Variants in IL4R observed in about 807,000 individuals in gnomAD.
IL4R encodes interleukin 4 receptor, also known as interleukin-4 receptor subunit alpha.
IL4R carries 17 observed loss-of-function variants against 41.5 expected under a neutral mutation model. The observed-to-expected ratio is 0.41, with a 90% CI of 0.28 to 0.61. The LOEUF (loss-of-function observed/expected upper bound fraction) is 0.61, where lower values mean the gene tolerates loss of function less well. IL4R is among the 20% of genes least tolerant of loss of function. The pLI is 0.31. For synonymous variants in IL4R, 402 were observed against 422.9 expected, an observed-to-expected ratio of 0.95 and a Z score of 0.61; for missense variants, 974 against 1,043.1, an observed-to-expected ratio of 0.93 and a Z score of 0.91.
rs2086417285 is a variant in IL4R at position 27,364,124 on chromosome 16, T to G, written c.*294T>G. ...TGAGGCCCTTGGGCACCTCGACTTG[T>G]GAACGAGTTGTTGGCTGCTCCCTCC... On this transcript the variant is annotated 3_prime_UTR_variant, in exon 11 of 11. Coordinates refer to ENST00000395762, the MANE Select transcript of IL4R (RefSeq NM_000418.4). 8.1e-6 allele frequency: 3 copies of G among 372,608 alleles called. No homozygotes were observed. The allele number at this position is 372,608 out of a possible 1,614,324, so 23.1% of individuals were successfully genotyped here. A position where few individuals can be genotyped will look rare whatever the true frequency, so the allele number is the denominator to read the frequency against.
rs533469360 is a variant in IL4R, at chr16:27,354,884, G to A, written c.671-924G>A. 1.7e-4 allele frequency: 62 copies of A among 375,580 alleles called. No individual in the cohort carries two copies. The Middle Eastern group carries it at 1.7e-3, about 10-fold the overall frequency. 23.3% of individuals were successfully genotyped at this position (375,580 alleles called of 1,614,324 possible). ...CTCCATAGGCAGGGTCTCCATGGCT[G>A]TATCTCCAGAACCCAGCACAGAACC... On this transcript the variant is annotated intron_variant, in intron 7 of 10. Coordinates refer to ENST00000395762, the MANE Select transcript of IL4R (RefSeq NM_000418.4).
chr16:27,356,468 A>T (rs909628581), intron 8 of IL4R, among the ~76,000 whole-genome samples: 1 of 152,176 alleles, frequency 6.6e-6, no homozygotes, highest in Non-Finnish European at 1.5e-5. Context: ...GTGGTTTTCC[A>T]TAGTGACCCA....
At chr16:27,336,676 CA>C (rs67336687) in intron 2 of IL4R, among the ~76,000 whole-genome samples, 14,299 of 68,330 alleles carry the variant, frequency 0.21, 753 homozygotes, top group Middle Eastern at 0.26. Flanking sequence ...AACTCTGTCT[CA>C]AAAAAAAAAA....
chr16:27,342,322 G>C lies in IL4R; in HGVS notation c.209+63G>C, dbSNP rs997394224. 16 of 1,600,178 alleles carry C rather than the reference G, an allele frequency of 1.0e-5. No homozygotes were observed. In the African/African-American group the frequency reaches 2.1e-4, roughly 21 times the overall value. On this transcript the variant is annotated intron_variant, in intron 4 of 10. Transcript: ENST00000395762. Reference sequence around the variant, plus strand: ...TGCCCAAAGGGTTTGCCCCAAGAGTGAGCTGGGTCCAGGTGGTGCGCTGGA... The same window carrying C: ...TGCCCAAAGGGTTTGCCCCAAGAGTCAGCTGGGTCCAGGTGGTGCGCTGGA...
chr16:27,328,205 C>CAAAAAAA lies in IL4R; in HGVS notation c.-151-1849_-151-1843dup, dbSNP rs779355998. ...CTGGTGACAAAGCTAGGCTCCATCTCAAAAAAAAAAAAAAAAAAGATTGTT... is the reference window on the plus strand; with the variant it reads ...CTGGTGACAAAGCTAGGCTCCATCTCAAAAAAAAAAAAAAAAAAAAAAAAAGATTGTT... On this transcript the variant is annotated intron_variant, in intron 1 of 10. Coordinates refer to ENST00000395762, the MANE Select transcript of IL4R (RefSeq NM_000418.4). Among the ~76,000 whole-genome samples the CAAAAAAA allele has an allele frequency of 1.1e-4, 8 of 70,506 alleles. 1 individual carries two copies. Among genetic ancestry groups the CAAAAAAA allele is most frequent in the East Asian group, 1.0e-3 (2 of 2,010 alleles). The allele number at this position is 70,506 out of a possible 152,430, so 46.3% of individuals were successfully genotyped here.
chr16:27,335,930 A>G (rs969222068), intron 2 of IL4R, among the ~76,000 whole-genome samples: 2 of 152,072 alleles, frequency 1.3e-5, no homozygotes, highest in Non-Finnish European at 2.9e-5. Context: ...ATCACTGTTA[A>G]TTTCCTGATT....
At chr16:27,352,513 C>A in intron 6 of IL4R, 27 bp from the exon 7 acceptor site, 1 of 1,609,346 alleles carries the variant, frequency 6.2e-7, no homozygotes, top group Non-Finnish European at 8.5e-7. Flanking sequence ...CCGGCTGGTG[C>A]CCTAACATCT....
At chr16:27,314,932 C>T (rs1333216732) in intron 1 of IL4R, among the ~76,000 whole-genome samples, 3 of 152,160 alleles carry the variant, frequency 2.0e-5, no homozygotes, top group African/African-American at 7.2e-5. Context: ...CCTCGGCCTC[C>T]CAAAATGCTG....
chr16:27,342,000 G>A (rs753844966), intron 3 of IL4R, 121 bp from the exon 4 acceptor site: 89 of 1,060,492 alleles, frequency 8.4e-5, no homozygotes, highest in Admixed American at 3.5e-4. Context: ...CTCTGTGGGC[G>A]CTGGCCCTCA....
intron 2 of IL4R, among the ~76,000 whole-genome samples, chr16:27,332,951 A>G (rs916291805): frequency 6.6e-5 from 10 of 151,982 alleles, no homozygotes; most frequent in African/African-American, 2.4e-4. Context: ...GTGTTTTTAA[A>G]TCTCCAAATA....
intron 1 of IL4R, among the ~76,000 whole-genome samples, chr16:27,316,809 AT>A (rs1388222408): frequency 6.6e-6 from 1 of 152,162 alleles, no homozygotes; most frequent in Non-Finnish European, 1.5e-5. Flanking sequence ...TATAGTGACT[AT>A]GCCATTGTAG....
intron 1 of IL4R, among the ~76,000 whole-genome samples, chr16:27,328,408 T>C (rs2085023423): frequency 6.6e-6 from 1 of 151,926 alleles, no homozygotes; most frequent in Non-Finnish European, 1.5e-5. Flanking sequence ...CCCACCATCA[T>C]GCCCGGCTAA....
intron 6 of IL4R, among the ~76,000 whole-genome samples, chr16:27,350,206 T>G (rs748421612): frequency 7.2e-5 from 11 of 152,238 alleles, no homozygotes; most frequent in Admixed American, 1.3e-4. Context: ...AGATTTCTCT[T>G]TTGTTTCTTA....
rs756026426 is a variant in IL4R at position 27,355,815 on chromosome 16, G to A, written c.678G>A (p.Arg226=). Residue 226 remains arginine, a synonymous_variant, in exon 8 of 11, where the codon AGG becomes AGA. Coordinates refer to ENST00000395762, the MANE Select transcript of IL4R (RefSeq NM_000418.4). ...TTCCCCTCCCACTTCCAGCCTACAG[G>A]GAGCCCTTCGAGCAGCACCTCCTGC... is the stretch of plus-strand genomic sequence containing the variant. ...SPSTKWHNSY[R]EPFEQHLLLG... is the part of the protein sequence containing the mutation. 2.5e-6 allele frequency: 4 copies of A among 1,612,650 alleles called. No homozygotes were observed. The highest frequency in any genetic ancestry group is 1.7e-4 in the Middle Eastern group (1 of 6,052).
At chr16:27,347,276 C>T (rs557279000) in intron 6 of IL4R, among the ~76,000 whole-genome samples, 38 of 152,244 alleles carry the variant, frequency 2.5e-4, no homozygotes, top group African/African-American at 7.5e-4. Flanking sequence ...CTGCAACCTC[C>T]GCCTCCTGGG....
At chr16:27,329,597 A>C (rs2085056805) in intron 1 of IL4R, among the ~76,000 whole-genome samples, 1 of 151,534 alleles carries the variant, frequency 6.6e-6, no homozygotes. Flanking sequence ...GAATCGCTTG[A>C]ACCCGGGAGG....
Position 27,313,980 on chromosome 16 carries a change from C to G in IL4R, c.-192C>G. ...GGCCACCCAGGGGTCCCCCACTTCC[C>G]GCTTGGGCGCCCGGACGGCGAATGG... On this transcript the variant is annotated 5_prime_UTR_variant, in exon 1 of 11. Coordinates refer to ENST00000395762, the MANE Select transcript of IL4R (RefSeq NM_000418.4). 1 of 984,776 alleles carries G rather than the reference C, an allele frequency of 1.0e-6. No homozygotes were observed. The highest frequency in any genetic ancestry group is 1.2e-6 in the Non-Finnish European group (1 of 829,688). The allele number at this position is 984,776 out of a possible 1,614,324, so 61.0% of individuals were successfully genotyped here.
At chr16:27,332,862 TA>T (rs2085151883) in intron 2 of IL4R, among the ~76,000 whole-genome samples, 1 of 152,224 alleles carries the variant, frequency 6.6e-6, no homozygotes, top group African/African-American at 2.4e-5. Context: ...TGATAGGCTA[TA>T]TTTTCATTTT....
Position 27,362,858 on chromosome 16 carries a change from CT to C in IL4R, c.1507del (p.Ser503ProfsTer2). The C allele has an allele frequency of 6.2e-7, 1 of 1,614,182 alleles. No homozygotes were observed. The highest frequency in any genetic ancestry group is 8.5e-7 in the Non-Finnish European group (1 of 1,180,048). ...ACCCTGCTTACCGCAGCTTCAGCAA[CT>C]CCCTGAGCCAGTCACCGTGTCCCAG... Reference protein sequence around the residue: ...GNPAYRSFSNSLSQSPCPREL... With the variant: ...GNPAYRSFSNXLSQSPCPREL... On this transcript the variant is annotated frameshift_variant, in exon 11 of 11. Coordinates refer to ENST00000395762, the MANE Select transcript of IL4R (RefSeq NM_000418.4). LOFTEE classifies it low-confidence loss of function (END_TRUNC).
Sources: gnomAD v4.1 joint callset for allele counts (sites outside exome capture counted in the v4.1 genomes callset) on GRCh38, gnomAD v4.1.1 for gene constraint, MANE v1.5 for transcripts, NCBI Gene and HGNC (gene_info 2026-07-23, HGNC 2026-07-21) for gene names.